POU2F2: variants seen among roughly 807,000 people sequenced by gnomAD.
The protein encoded by POU2F2 is POU class 2 homeobox 2.
Under a neutral mutation model 63.5 loss-of-function variants are expected in POU2F2, and 14 were observed. The observed-to-expected ratio is 0.22, with a 90% CI of 0.15 to 0.34. The LOEUF is 0.34. Ranked by LOEUF, POU2F2 falls within the 10% of genes least tolerant of loss-of-function variation. POU2F2 has a pLI of 1.00. For missense variants in POU2F2, 607 were observed against 815.2 expected (o/e 0.74, Z 3.11); for synonymous variants, 306 against 348.6 (o/e 0.88, Z 1.36).
rs192179727 is a variant in POU2F2 at position 42,096,713 on chromosome 19, G to A, written c.568-470C>T. ...CCCAGTGGGGCTGTTGAGAGAATCG[G>A]GTTAAAAATGAGTAGGTCGTGCAGA... is the stretch of plus-strand genomic sequence containing the variant. On this transcript the variant is annotated intron_variant, in intron 7 of 14. Coordinates refer to ENST00000692977, the MANE Select transcript of POU2F2 (RefSeq NM_001394376.1). This position sits in a 1 kb window ranked among gnomAD's most constrained non-coding sequence, Gnocchi z 4.1. Among the ~76,000 whole-genome samples, 3 of 152,302 alleles carry A rather than the reference G, an allele frequency of 2.0e-5. No individual in the cohort carries two copies. Among genetic ancestry groups the A allele is most frequent in the East Asian group, 1.9e-4 (1 of 5,182 alleles).
At chr19:42,148,292 T>C (rs959339555) in intron 2 of POU2F2, among the ~76,000 whole-genome samples, 1 of 152,092 alleles carries the variant, frequency 6.6e-6, no homozygotes, top group African/African-American at 2.4e-5. Flanking sequence ...CTTGTACTAA[T>C]TGGAAAACTT....
rs2034726445 is a variant in POU2F2, at chr19:42,169,925, C to T, written c.-70+6038G>A. Among the ~76,000 whole-genome samples, 1 of 151,632 alleles carries T rather than the reference C, an allele frequency of 6.6e-6. No homozygotes were observed. The highest frequency in any genetic ancestry group is 2.4e-5 in the African/African-American group (1 of 41,218). On this transcript the variant is annotated intron_variant, in intron 1 of 6. Coordinates refer to the POU2F2 transcript ENST00000524801. The surrounding 1 kb of genome is among the most constrained non-coding windows in gnomAD (Gnocchi z 4.3). ...TGTGCCTTGCAGATGGGGAGGGGGC[C>T]GGGGTGTCAGCGAGCTCCTGTGTCA...
At chr19:42,107,596 G>A (rs749557629) in intron 5 of POU2F2, among the ~76,000 whole-genome samples, 4 of 152,122 alleles carry the variant, frequency 2.6e-5, no homozygotes, top group Non-Finnish European at 5.9e-5. Flanking sequence ...TCTCAGTACC[G>A]CTAATACTAC....
At chr19:42,154,828 T>G (rs1370006903) in intron 2 of POU2F2, among the ~76,000 whole-genome samples, 1 of 152,058 alleles carries the variant, frequency 6.6e-6, no homozygotes, top group Non-Finnish European at 1.5e-5. Flanking sequence ...TGCTCAAGCC[T>G]TTTTCCACGT....
At chr19:42,192,494 GTTGAATGACTTGGTGT>G (rs1424569876) in intron 1 of POU2F2, among the ~76,000 whole-genome samples, 3 of 152,164 alleles carry the variant, frequency 2.0e-5, no homozygotes, top group African/African-American at 7.2e-5. Flanking sequence ...GTAAATGCTT[GTTGAATGACTTGGTGT>G]TTGAGGGAAA....
chr19:42,140,023 T>C (rs1421952870), intron 2 of POU2F2, among the ~76,000 whole-genome samples: 2 of 152,212 alleles, frequency 1.3e-5, no homozygotes, highest in Non-Finnish European at 2.9e-5. Context: ...CTTCAGCTGT[T>C]TTGTTGAGCT....
In POU2F2 at chr19:42,117,177, C is replaced by T; in HGVS notation, c.369+73G>A. On this transcript the variant is annotated intron_variant, in intron 5 of 14. Transcript: ENST00000692977. The surrounding 1 kb of genome is among the most constrained non-coding windows in gnomAD (Gnocchi z 4.4). ...TGGCCATGGCCTTGGTGGAACAGTT[C>T]ATCCACTAGCCCTGTAACAGATGAG... 8.2e-7 allele frequency: 1 copy of T among 1,218,360 alleles called. No homozygotes were observed. The highest frequency in any genetic ancestry group is 1.1e-6 in the Non-Finnish European group (1 of 881,784). The allele number at this position is 1,218,360 out of a possible 1,614,324, so 75.5% of individuals were successfully genotyped here.
chr19:42,116,913 G>A (rs1336647783), intron 5 of POU2F2: 10 of 523,844 alleles, frequency 1.9e-5, no homozygotes, highest in African/African-American at 9.6e-5. Flanking sequence ...TAGCGGCAGC[G>A]GCGGCACTGG....
intron 5 of POU2F2, among the ~76,000 whole-genome samples, chr19:42,105,591 A>G (rs2077307185): frequency 6.6e-6 from 1 of 152,164 alleles, no homozygotes; most frequent in Non-Finnish European, 1.5e-5. Flanking sequence ...CACCAGCGAG[A>G]GGAAAGAATG....
intron 2 of POU2F2, among the ~76,000 whole-genome samples, chr19:42,142,376 G>A (rs1486776227): frequency 2.6e-5 from 4 of 152,124 alleles, no homozygotes; most frequent in African/African-American, 4.8e-5. Context: ...ATTTTCAGTA[G>A]AGATGGGGTT....
chr19:42,146,043 A>G (rs564166459), intron 2 of POU2F2, among the ~76,000 whole-genome samples: 2 of 151,056 alleles, frequency 1.3e-5, no homozygotes, highest in South Asian at 2.1e-4. Context: ...AAAAAAAAAA[A>G]AAAAAAAAAG....
At position 42,093,894 on chromosome 19, in the gene POU2F2, A is replaced by C; in HGVS notation, c.1199T>G (p.Val400Gly). Residue 400 changes from valine (V) to glycine (G), a missense_variant and splice_region_variant, in exon 12 of 15, where the codon GTC becomes GGC. Physicochemically the swap from Val to Gly is moderately radical, Grantham distance 109 (BLOSUM62 -3). Transcript: ENST00000692977. ...GKPASYSPHM[V>G]TPQGGAGTLP... ...GGTCCCCGCGCCCCCTTGGGGTGTG[A>C]CCTGAGGAGAGAAGAAAGGAGGTGT... The C allele has an allele frequency of 6.2e-7, 1 of 1,608,708 alleles. No individual in the cohort carries two copies. Among genetic ancestry groups the C allele is most frequent in the Non-Finnish European group, 8.5e-7 (1 of 1,175,922 alleles).
At chr19:42,183,669 T>C (rs949020364) in intron 1 of POU2F2, among the ~76,000 whole-genome samples, 1 of 152,120 alleles carries the variant, frequency 6.6e-6, no homozygotes, top group Non-Finnish European at 1.5e-5. Flanking sequence ...TAGGGCTCTA[T>C]GGGAGCCAAG....
chr19:42,122,863 G>A (rs1324212798), intron 1 of POU2F2, among the ~76,000 whole-genome samples: 1 of 152,236 alleles, frequency 6.6e-6, no homozygotes, highest in African/African-American at 2.4e-5. Context: ...GGGCAGGGCA[G>A]GAGATGGAAG....
At chr19:42,097,251 G>T (rs1265797536) in intron 7 of POU2F2, among the ~76,000 whole-genome samples, 1 of 137,378 alleles carries the variant, frequency 7.3e-6, no homozygotes, top group African/African-American at 2.8e-5. Context: ...AGGCTGGAAT[G>T]CAATGGTGCG....
intron 1 of POU2F2, among the ~76,000 whole-genome samples, chr19:42,166,676 A>G (rs1306124135): frequency 6.6e-6 from 1 of 151,964 alleles, no homozygotes; most frequent in African/African-American, 2.4e-5. Flanking sequence ...GGAGGAGTTG[A>G]TTGGAGTGAG....
rs1329860003 is a variant in POU2F2, at chr19:42,099,832, G to A, written c.370-11C>T. The A allele has an allele frequency of 6.4e-7, 1 of 1,552,928 alleles. No individual in the cohort carries two copies. The highest frequency in any genetic ancestry group is 8.7e-7 in the Non-Finnish European group (1 of 1,147,600). On this transcript the variant is annotated splice_polypyrimidine_tract_variant and intron_variant, in intron 5 of 14. Transcript: ENST00000692977. The stretch of plus-strand genomic sequence containing the variant: ...GAGCTGCTGTATGTCCTGGCAGGGA[G>A]TGGGGTGGACAGAAAGATAGCCTGA...
At position 42,095,282 on chromosome 19, in the gene POU2F2, G is replaced by T. The variant is rs1285457485; in HGVS notation, c.1197+4C>A. On this transcript the variant is annotated splice_donor_region_variant and intron_variant, in intron 11 of 14. Transcript: ENST00000692977. This position sits in a 1 kb window ranked among gnomAD's most constrained non-coding sequence, Gnocchi z 7.1. Reference sequence around the variant, plus strand: ...TCCCCACCCCCCAGGCGGGCTCTTGGTACCATATGGGGGCTGTAGCTGGCC... The same window carrying T: ...TCCCCACCCCCCAGGCGGGCTCTTGTTACCATATGGGGGCTGTAGCTGGCC... 6.2e-7 allele frequency: 1 copy of T among 1,611,688 alleles called. No individual in the cohort carries two copies. The highest frequency in any genetic ancestry group is 1.1e-5 in the South Asian group (1 of 90,884).
At chr19:42,119,108 G>T (rs1449558761) in intron 4 of POU2F2, among the ~76,000 whole-genome samples, 1 of 150,554 alleles carries the variant, frequency 6.6e-6, no homozygotes, top group Non-Finnish European at 1.5e-5. Context: ...GGGCAACAGA[G>T]CAAGACACCG....
Sources: allele counts gnomAD v4.1 joint callset (sites outside exome capture counted in the v4.1 genomes callset), GRCh38; gene constraint gnomAD v4.1.1; non-coding constraint Gnocchi (gnomAD v3.1); transcripts MANE v1.5; gene names NCBI Gene and HGNC (gene_info 2026-07-23, HGNC 2026-07-21).